STAG3: variants seen among roughly 807,000 people sequenced by gnomAD.
The protein encoded by STAG3 is cohesin subunit SA-3.
Under a neutral mutation model 160.7 loss-of-function variants are expected in STAG3, and 101 were observed. That is an observed-to-expected ratio of 0.63 (90% CI 0.54 to 0.74). The LOEUF is 0.74. STAG3 is among the 30% of genes least tolerant of loss of function. STAG3 has a pLI of 0.00. For synonymous variants in STAG3, 519 were observed against 585.0 expected (o/e 0.89, Z 1.63); for missense variants, 1,188 against 1,517.4 (o/e 0.78, Z 3.61).
At chr7:100,199,190 T>C in intron 14 of STAG3, 72 bp from the exon 15 acceptor site, 1 of 1,117,122 alleles carries the variant, frequency 9.0e-7, no homozygotes, top group South Asian at 1.2e-5. Context: ...GAGAGCGATA[T>C]TTAATCAGTA....
intron 29 of STAG3, among the ~76,000 whole-genome samples, chr7:100,210,339 TTGAC>T (rs1374468915): frequency 1.3e-5 from 2 of 152,326 alleles, no homozygotes; most frequent in South Asian, 2.1e-4. Context: ...TAATGTCAAT[TTGAC>T]TGATGCTTTA....
chr7:100,191,851 A>G (rs1436352033), intron 8 of STAG3, among the ~76,000 whole-genome samples: 1 of 152,194 alleles, frequency 6.6e-6, no homozygotes, highest in East Asian at 1.9e-4. Flanking sequence ...CTTTCAAAAC[A>G]AGAGTCAATT....
downstream of STAG3, among the ~76,000 whole-genome samples, chr7:100,217,559 C>A (rs1727137): frequency 1.2e-3 from 180 of 152,096 alleles, 1 homozygote; most frequent in Admixed American, 3.2e-3. Context: ...CAGCTGGGCC[C>A]GGGGGACCAC....
chr7:100,186,247 A>G lies in STAG3; in HGVS notation c.384A>G (p.Ala128=), dbSNP rs769931638. The G allele has an allele frequency of 4.3e-6, 7 of 1,614,040 alleles. No individual in the cohort carries two copies. The African/African-American group carries it at 6.7e-5, about 15-fold the overall frequency. Residue 128 remains alanine, a synonymous_variant, in exon 5 of 34, where the codon GCA becomes GCG. Coordinates refer to ENST00000615138, the MANE Select transcript of STAG3 (RefSeq NM_001282717.2). ...ATAGCTACAAGCAAGACCAGGATGCAGGATTTCTGGAGCTTGTTAACTTTT... is the reference window on the plus strand; with the variant it reads ...ATAGCTACAAGCAAGACCAGGATGCGGGATTTCTGGAGCTTGTTAACTTTT... ...WLDSYKQDQD[A]GFLELVNFFI...
At position 100,201,099 on chromosome 7, in the gene STAG3, C is replaced by T. The variant is rs1801090194; in HGVS notation, c.2071C>T (p.Leu691=). The T allele has an allele frequency of 1.9e-6, 3 of 1,614,084 alleles. No individual in the cohort carries two copies. The highest frequency in any genetic ancestry group is 1.3e-5 in the African/African-American group (1 of 74,926). ...CTTCTTTCCTTCTCAGTCGTCCTTCCTAGATGAGGATGAGGTATATAATCT... is the reference window on the plus strand; with the variant it reads ...CTTCTTTCCTTCTCAGTCGTCCTTCTTAGATGAGGATGAGGTATATAATCT... ...ELEELLQSSF[L]DEDEVYNLAA... is the part of the protein sequence containing the mutation. The change falls in exon 20 of 34, where the codon CTA becomes TTA. Residue 691 remains leucine, a synonymous_variant. Transcript: ENST00000615138.
At position 100,195,306 on chromosome 7, in the gene STAG3, C is replaced by CA; in HGVS notation, c.868-2dup. The CA allele has an allele frequency of 1.2e-6, 2 of 1,614,006 alleles. No homozygotes were observed. Among genetic ancestry groups the CA allele is most frequent in the Non-Finnish European group, 1.7e-6 (2 of 1,179,898 alleles). On this transcript the variant is annotated splice_polypyrimidine_tract_variant and splice_region_variant and intron_variant, in intron 8 of 33. Coordinates refer to ENST00000615138, the MANE Select transcript of STAG3 (RefSeq NM_001282717.2). The stretch of plus-strand genomic sequence containing the variant: ...GATTAACCCGTTTCTCCCTGTCCTC[C>CA]AGCTCCAAGAGCATCAAGAGGAGAT...
chr7:100,217,608 C>T (rs1283860026), downstream of STAG3, among the ~76,000 whole-genome samples: 1 of 151,998 alleles, frequency 6.6e-6, no homozygotes, highest in African/African-American at 2.4e-5. Context: ...GCCCTGAATG[C>T]CTGACCGCGC....
At chr7:100,216,806 T>G (rs552247542), downstream of STAG3, among the ~76,000 whole-genome samples, 1 of 152,306 alleles carries the variant, frequency 6.6e-6, no homozygotes, top group South Asian at 2.1e-4. Flanking sequence ...TCTGATACTT[T>G]TAATGACCTT....
Position 100,198,113 on chromosome 7 carries a change from CAG to C in STAG3, c.1196_1197del (p.Glu399ValfsTer2), listed in dbSNP as rs760996926. 4 of 1,613,936 alleles carry C rather than the reference CAG, an allele frequency of 2.5e-6. No homozygotes were observed. Among genetic ancestry groups the C allele is most frequent in the South Asian group, 1.1e-5 (1 of 91,074 alleles). ...KDRMVSMVMD[R>X]EYDVAVEAVR... The stretch of plus-strand genomic sequence containing the variant: ...ACCGGATGGTTTCCATGGTCATGGA[CAG>C]AGAGTATGATGTGGCAGTGGAGGCT... On this transcript the variant is annotated frameshift_variant, in exon 12 of 34. Coordinates refer to ENST00000615138, the MANE Select transcript of STAG3 (RefSeq NM_001282717.2). LOFTEE classifies it high-confidence loss of function.
At chr7:100,218,956 GA>G (rs1430358883), downstream of STAG3, 1 of 159,722 alleles carries the variant, frequency 6.3e-6, no homozygotes, top group Non-Finnish European at 1.4e-5. Flanking sequence ...ACAGGGCAGA[GA>G]AATAAGAAGA....
At chr7:100,198,690 G>T in intron 13 of STAG3, 108 bp downstream of exon 13, 8 of 1,272,110 alleles carry the variant, frequency 6.3e-6, no homozygotes, top group South Asian at 1.2e-5. Flanking sequence ...AGTCTCCCTG[G>T]TGTCTCCTTT....
chr7:100,213,007 T>C (rs1417220925), intron 32 of STAG3: 1 of 154,448 alleles, frequency 6.5e-6, no homozygotes, highest in African/African-American at 2.4e-5. Flanking sequence ...CAGAATTCCA[T>C]AGACTGGTGT....
At position 100,211,467 on chromosome 7, in the gene STAG3, G is replaced by C; in HGVS notation, c.3446G>C (p.Arg1149Thr). 6.2e-7 allele frequency: 1 copy of C among 1,613,928 alleles called. No homozygotes were observed. Among genetic ancestry groups the C allele is most frequent in the Non-Finnish European group, 8.5e-7 (1 of 1,179,994 alleles). Residue 1149 changes from arginine (R) to threonine (T), a missense_variant, in exon 31 of 34, where the codon AGG becomes ACG. Arg to Thr is a moderately conservative substitution (Grantham distance 71, BLOSUM62 -1). This residue lies in a region of STAG3 where 647 missense variants were observed against 717.2 expected (regional missense o/e 0.90). Coordinates refer to ENST00000615138, the MANE Select transcript of STAG3 (RefSeq NM_001282717.2). ...SQPVAGTERS[R>T]FLGPQYFQTP... is the part of the protein sequence containing the mutation. The stretch of plus-strand genomic sequence containing the variant: ...CCCGTCGCAGGCACCGAGAGGTCAA[G>C]GTTCTTGGGTCCACAATATTTCCAG...
In STAG3 at chr7:100,189,485, A is replaced by G. The variant is rs149453723; in HGVS notation, c.756A>G (p.Gln252=). The change falls in exon 8 of 34, where the codon CAA becomes CAG. Residue 252 remains glutamine, a synonymous_variant. Coordinates refer to ENST00000615138, the MANE Select transcript of STAG3 (RefSeq NM_001282717.2). ...CCTCCCTGGTAAAAGTTGCCCTCCA[A>G]CTGAGTGTGCACCAAGATAACAATC... ...LMTSLVKVAL[Q]LSVHQDNNQR... The G allele has an allele frequency of 4.3e-5, 69 of 1,613,944 alleles. No homozygotes were observed. The highest frequency in any genetic ancestry group is 5.7e-5 in the Non-Finnish European group (67 of 1,179,996).
At chr7:100,189,972 A>T (rs1241487195) in intron 8 of STAG3, among the ~76,000 whole-genome samples, 2 of 152,166 alleles carry the variant, frequency 1.3e-5, no homozygotes, top group African/African-American at 2.4e-5. Context: ...ACCATTGACA[A>T]GGGAGGCCAA....
intron 25 of STAG3, 27 bp downstream of exon 25, chr7:100,202,617 A>C: frequency 3.7e-6 from 6 of 1,601,568 alleles, no homozygotes; most frequent in Non-Finnish European, 5.1e-6. Flanking sequence ...CAGAAATAAA[A>C]GAGAAGGGAG....
intron 29 of STAG3, among the ~76,000 whole-genome samples, chr7:100,209,741 G>A (rs963724922): frequency 1.6e-4 from 24 of 152,198 alleles, no homozygotes; most frequent in African/African-American, 5.8e-4. Flanking sequence ...CAGATTCTGG[G>A]TGCATTTTCA....
In STAG3 at chr7:100,207,696, A is replaced by G. The variant is rs2528900; in HGVS notation, c.3238+2312A>G. Among the ~76,000 whole-genome samples the G allele has an allele frequency of 0.69, 105,133 of 152,116 alleles. 37,013 individuals are homozygous for G. Among genetic ancestry groups the G allele is most frequent in the Middle Eastern group, 0.86 (252 of 294 alleles). On this transcript the variant is annotated intron_variant, in intron 29 of 33. Coordinates refer to ENST00000615138, the MANE Select transcript of STAG3 (RefSeq NM_001282717.2). This position sits in a 1 kb window ranked among gnomAD's most constrained non-coding sequence, Gnocchi z 4.0. ...TTATTGGTGGTGTCCTTTGAAACAC[A>G]AAAGTTCTTGAATTTGGTGAAATCT...
chr7:100,211,956 T>C (rs1802261274), intron 32 of STAG3, 80 bp downstream of exon 32: 2 of 1,325,364 alleles, frequency 1.5e-6, no homozygotes, highest in East Asian at 4.8e-5. Context: ...TTCCCCTCTC[T>C]CCGCTCGGTG....
Sources: allele counts gnomAD v4.1 joint callset (sites outside exome capture counted in the v4.1 genomes callset), GRCh38; gene constraint gnomAD v4.1.1; regional missense constraint gnomAD v4.1.1; non-coding constraint Gnocchi (gnomAD v3.1); transcripts MANE v1.5; gene names NCBI Gene and HGNC (gene_info 2026-07-23, HGNC 2026-07-21).